The following CCDC171 variants were observed in gnomAD, a reference collection of about 807,000 sequenced individuals.
CCDC171 encodes coiled-coil domain-containing protein 171.
In CCDC171, 177 loss-of-function variants were observed where a neutral mutation model predicts 168.2. The ratio of observed to expected loss-of-function variants is 1.05; its 90% CI spans 0.93 to 1.19. CCDC171 has a LOEUF of 1.19. Among genes scored for constraint, CCDC171 ranks in the 50% most tolerant of loss-of-function variants. CCDC171 has a pLI of 0.00. For missense variants in CCDC171, 1,991 were observed against 1,539.0 expected (o/e 1.29, Z -4.91); for synonymous variants, 687 against 540.8 (o/e 1.27, Z -3.75).
chr9:16,012,751 G>A (rs957286706), intron 3 of CCDC171, among the ~76,000 whole-genome samples: 1 of 152,044 alleles, frequency 6.6e-6, no homozygotes, highest in South Asian at 2.1e-4. Flanking sequence ...GCTCATCTTG[G>A]TCATTCTTAT....
intron 7 of CCDC171, among the ~76,000 whole-genome samples, chr9:15,628,319 C>G (rs1400173016): frequency 3.3e-5 from 5 of 152,156 alleles, no homozygotes; most frequent in Admixed American, 2.0e-4. Context: ...CGGGTCACTC[C>G]CACCCCAATA....
At chr9:15,569,552 G>C (rs978110573) in intron 2 of CCDC171, among the ~76,000 whole-genome samples, 1 of 151,848 alleles carries the variant, frequency 6.6e-6, no homozygotes, top group African/African-American at 2.4e-5. Context: ...GCGGTGGCTC[G>C]CGCCTGTAAT....
intron 7 of CCDC171, among the ~76,000 whole-genome samples, chr9:15,642,692 A>G (rs972982851): frequency 6.6e-6 from 1 of 152,110 alleles, no homozygotes; most frequent in Non-Finnish European, 1.5e-5. Context: ...TTACTGAGTA[A>G]TTGATAGTTT....
At chr9:16,077,639 A>G in the CCDC171 span, among the ~76,000 whole-genome samples, 2 of 152,190 alleles carry the variant, frequency 1.3e-5, no homozygotes, top group African/African-American at 4.8e-5. Context: ...AGCCAACCTC[A>G]GCTTAGCTGA....
intron 25 of CCDC171, among the ~76,000 whole-genome samples, chr9:15,922,425 AG>A (rs1825447882): frequency 6.6e-6 from 1 of 151,722 alleles, no homozygotes; most frequent in Non-Finnish European, 1.5e-5. Flanking sequence ...CGTAGATGAG[AG>A]GCAATATTGT....
At position 15,689,853 on chromosome 9, in the gene CCDC171, T is replaced by G. The variant is rs369713239; in HGVS notation, c.1216-5382T>G. 7.9e-5 allele frequency among the ~76,000 whole-genome samples: 12 copies of G among 152,316 alleles called. No individual in the cohort carries two copies. In the East Asian group the frequency reaches 2.1e-3, roughly 27 times the overall value. On this transcript the variant is annotated intron_variant, in intron 10 of 25. Coordinates refer to ENST00000380701, the MANE Select transcript of CCDC171 (RefSeq NM_173550.4). ...TATGGTACTAGCATAATGATTTACA[T>G]GTATATCAATGGACCAGAATTGAGA...
rs1171097150 is a variant in CCDC171, at chr9:16,060,429, AT to A, written n.90-216del. On this transcript the variant is annotated intron_variant and non_coding_transcript_variant, in intron 1 of 1. Transcript: ENST00000478913. ...GAGGTCAACTACAGCTCTGAGGGCA[AT>A]AACATGATCCTCATAAAACAGACCC... is the stretch of plus-strand genomic sequence containing the variant. 4.6e-5 allele frequency among the ~76,000 whole-genome samples: 7 copies of A among 152,350 alleles called. No homozygotes were observed. The South Asian group carries it at 1.4e-3, about 32-fold the overall frequency.
At chr9:15,971,585 A>AT (rs1187933176) in intron 25 of CCDC171, 24 bp from the exon 26 acceptor site, 2 of 1,543,700 alleles carry the variant, frequency 1.3e-6, no homozygotes, top group African/African-American at 1.4e-5. Flanking sequence ...TATGTTTATT[A>AT]TTTTTTTCTT....
chr9:15,779,185 C>T (rs2057519029), intron 20 of CCDC171, 35 bp downstream of exon 20: 3 of 1,250,358 alleles, frequency 2.4e-6, no homozygotes, highest in East Asian at 2.7e-5. Flanking sequence ...TGTTGCTTTG[C>T]TGATATATAT....
intron 5 of CCDC171, 41 bp downstream of exon 5, chr9:15,591,597 T>A: frequency 9.1e-7 from 1 of 1,093,706 alleles, no homozygotes; most frequent in Non-Finnish European, 1.3e-6. Context: ...ATATGTAATA[T>A]TCACCGAGAT....
At chr9:15,975,026 C>T (rs927733884), downstream of CCDC171, among the ~76,000 whole-genome samples, 22 of 152,120 alleles carry the variant, frequency 1.4e-4, no homozygotes, top group African/African-American at 4.3e-4. Flanking sequence ...ACCTCAGCCT[C>T]CTGAGTACCA....
chr9:15,729,816 A>G lies in CCDC171; in HGVS notation c.2049+18A>G, dbSNP rs2054043087. Reference sequence around the variant, plus strand: ...GGGCACAGGTATGCTACCTTTACAAAGAGCTTTAAAAAATGGGTTACTCAG... The same window carrying G: ...GGGCACAGGTATGCTACCTTTACAAGGAGCTTTAAAAAATGGGTTACTCAG... On this transcript the variant is annotated intron_variant, in intron 16 of 25. Transcript: ENST00000380701. 2 of 1,586,762 alleles carry G rather than the reference A, an allele frequency of 1.3e-6. No individual in the cohort carries two copies. The highest frequency in any genetic ancestry group is 1.4e-5 in the African/African-American group (1 of 73,798).
intron 24 of CCDC171, among the ~76,000 whole-genome samples, chr9:15,909,669 T>A (rs1055883116): frequency 1.1e-4 from 16 of 152,046 alleles, no homozygotes; most frequent in Non-Finnish European, 2.1e-4. Context: ...CCCTCCTATA[T>A]CCTTAAAATT....
chr9:15,614,406 A>G (rs750740486), intron 6 of CCDC171, among the ~76,000 whole-genome samples: 3 of 152,186 alleles, frequency 2.0e-5, no homozygotes, highest in Non-Finnish European at 2.9e-5. Context: ...TGAGAATAGT[A>G]CAAGTTAAAA....
At chr9:15,871,467 T>G (rs1485663001) in intron 23 of CCDC171, among the ~76,000 whole-genome samples, 1 of 131,562 alleles carries the variant, frequency 7.6e-6, no homozygotes, top group Non-Finnish European at 1.7e-5. Context: ...AAAGATAAAC[T>G]TTTCCTTTTA....
chr9:16,105,452 A>T, the CCDC171 span, among the ~76,000 whole-genome samples: 2 of 151,352 alleles, frequency 1.3e-5, no homozygotes, highest in Non-Finnish European at 2.9e-5. Context: ...GAAGTCCAGC[A>T]CCCCCCCCTT....
chr9:15,595,921 T>A (rs1353095418), intron 6 of CCDC171, among the ~76,000 whole-genome samples: 2 of 152,200 alleles, frequency 1.3e-5, no homozygotes, highest in Non-Finnish European at 2.9e-5. Context: ...TTTTTTCATG[T>A]GTCTTTTGGC....
At chr9:15,873,700 A>G (rs1341036363) in intron 23 of CCDC171, among the ~76,000 whole-genome samples, 1 of 152,134 alleles carries the variant, frequency 6.6e-6, no homozygotes, top group Non-Finnish European at 1.5e-5. Flanking sequence ...ATTAAAAACC[A>G]AAATATCTGT....
In CCDC171 at chr9:16,052,925, G is replaced by A. The variant is rs142746676; in HGVS notation, n.90-7721G>A. Reference sequence around the variant, plus strand: ...CCCTTTTCCCATCACCCGGCTCGCCGTTCAGCCACATTTAAGTCCACTGCT... The same window carrying A: ...CCCTTTTCCCATCACCCGGCTCGCCATTCAGCCACATTTAAGTCCACTGCT... On this transcript the variant is annotated intron_variant and non_coding_transcript_variant, in intron 1 of 1. Coordinates refer to the CCDC171 transcript ENST00000478913. 1.8e-3 allele frequency among the ~76,000 whole-genome samples: 267 copies of A among 151,900 alleles called. 2 individuals are homozygous for A. The highest frequency in any genetic ancestry group is 6.0e-3 in the African/African-American group (248 of 41,402).
Sources: gnomAD v4.1 joint callset for allele counts (sites outside exome capture counted in the v4.1 genomes callset) on GRCh38, gnomAD v4.1.1 for gene constraint, MANE v1.5 for transcripts, NCBI Gene and HGNC (gene_info 2026-07-23, HGNC 2026-07-21) for gene names.